The following ZNF469 variants were observed in gnomAD, a reference collection of about 807,000 sequenced individuals.
ZNF469 encodes the protein zinc finger protein 469.
In ZNF469, 1 loss-of-function variant was observed where a neutral mutation model predicts 1.0. The observed-to-expected ratio is 1.00, with a 90% CI of 0.35 to 4.73. ZNF469 has a LOEUF of 4.73. Among genes scored for constraint, ZNF469 ranks in the 30% most tolerant of loss-of-function variants. The pLI is 0.16. For missense variants in ZNF469, 6,100 were observed against 5,356.3 expected (o/e 1.14, Z -4.33); for synonymous variants, 2,703 against 2,363.4 (o/e 1.14, Z -4.17).
At chr16:88,102,138 A>G in the ZNF469 span, among the ~76,000 whole-genome samples, 2 of 138,192 alleles carry the variant, frequency 1.4e-5, no homozygotes, top group African/African-American at 2.7e-5. Flanking sequence ...CAGAATTCCC[A>G]TGTGCTGGTG....
At chr16:88,281,137 G>A in the ZNF469 span, among the ~76,000 whole-genome samples, 4 of 147,102 alleles carry the variant, frequency 2.7e-5, no homozygotes, top group Admixed American at 2.8e-4. Flanking sequence ...GGTTAATGCT[G>A]TGCCACACTG....
chr16:88,345,772 AG>A, the ZNF469 span, among the ~76,000 whole-genome samples: 1 of 152,160 alleles, frequency 6.6e-6, no homozygotes, highest in Non-Finnish European at 1.5e-5. Flanking sequence ...GACTGGAAGA[AG>A]GAGGGTTTTA....
intron 1 of ZNF469, among the ~76,000 whole-genome samples, chr16:88,395,135 A>C (rs1156320226): frequency 6.6e-6 from 1 of 152,226 alleles, no homozygotes; most frequent in Non-Finnish European, 1.5e-5. Context: ...CAGAAAGTTG[A>C]AGCCAGGAGG....
chr16:88,385,599 T>C (rs2092535176), intron 1 of ZNF469, among the ~76,000 whole-genome samples: 1 of 149,348 alleles, frequency 6.7e-6, no homozygotes, highest in African/African-American at 2.5e-5. Context: ...ATGATGATCG[T>C]GCCACCGCAT....
At chr16:88,117,279 G>A in the ZNF469 span, among the ~76,000 whole-genome samples, 1 of 152,136 alleles carries the variant, frequency 6.6e-6, no homozygotes, top group Non-Finnish European at 1.5e-5. Flanking sequence ...CTGGGGGCAT[G>A]TGAGGGCTGG....
At chr16:88,415,799 G>C (rs568719998) in intron 1 of ZNF469, among the ~76,000 whole-genome samples, 4 of 152,222 alleles carry the variant, frequency 2.6e-5, no homozygotes, top group African/African-American at 7.2e-5. Flanking sequence ...TCTTCCAGGC[G>C]TGTAGCTCCC....
the ZNF469 span, among the ~76,000 whole-genome samples, chr16:88,288,086 T>G: frequency 6.6e-6 from 1 of 152,150 alleles, no homozygotes; most frequent in Non-Finnish European, 1.5e-5. Context: ...ACCTTTTTCC[T>G]CCTGCTGCTC....
the ZNF469 span, among the ~76,000 whole-genome samples, chr16:88,134,722 C>A: frequency 6.6e-6 from 1 of 152,230 alleles, no homozygotes; most frequent in African/African-American, 2.4e-5. Context: ...TAAATCCCTG[C>A]CGTCTGGCAG....
At chr16:88,340,826 G>T in the ZNF469 span, among the ~76,000 whole-genome samples, 1 of 152,274 alleles carries the variant, frequency 6.6e-6, no homozygotes, top group South Asian at 2.1e-4. Context: ...TACAGGCAGA[G>T]GTGTCAGGCA....
At chr16:88,247,470 G>A in the ZNF469 span, among the ~76,000 whole-genome samples, 1 of 136,060 alleles carries the variant, frequency 7.3e-6, no homozygotes, top group East Asian at 1.9e-4. Flanking sequence ...ATGAATGAAT[G>A]AGTGAGTGAA....
At chr16:88,128,729 G>T in the ZNF469 span, among the ~76,000 whole-genome samples, 26 of 152,254 alleles carry the variant, frequency 1.7e-4, no homozygotes, top group African/African-American at 6.3e-4. Context: ...TCCCCAAGCT[G>T]CCTGGGCAAG....
the ZNF469 span, among the ~76,000 whole-genome samples, chr16:88,367,301 G>C: frequency 6.6e-6 from 1 of 152,212 alleles, no homozygotes; most frequent in Non-Finnish European, 1.5e-5. Context: ...ATCCTTCAAG[G>C]CAAGTATTCC....
the ZNF469 span, among the ~76,000 whole-genome samples, chr16:88,249,987 GCTC>G: frequency 6.6e-6 from 1 of 152,198 alleles, no homozygotes; most frequent in Non-Finnish European, 1.5e-5. Flanking sequence ...GTTGAAGTTG[GCTC>G]CTCAAGTGAA....
At chr16:88,186,480 G>A in the ZNF469 span, among the ~76,000 whole-genome samples, 141 of 152,288 alleles carry the variant, frequency 9.3e-4, no homozygotes, top group African/African-American at 3.3e-3. Context: ...ATCACGTGCC[G>A]GGAGCTGATC....
chr16:88,137,215 C>T, the ZNF469 span, among the ~76,000 whole-genome samples: 1 of 152,226 alleles, frequency 6.6e-6, no homozygotes. Context: ...ATGCATACAG[C>T]TATGCATGTA....
the ZNF469 span, among the ~76,000 whole-genome samples, chr16:88,349,273 C>T: frequency 1.3e-5 from 2 of 152,108 alleles, no homozygotes; most frequent in Admixed American, 6.5e-5. Context: ...AGGCTCTACA[C>T]GCACAGGTGA....
chr16:88,347,767 C>A, the ZNF469 span, among the ~76,000 whole-genome samples: 16 of 152,336 alleles, frequency 1.1e-4, 1 homozygote, highest in South Asian at 3.3e-3. Context: ...AAATTCACCC[C>A]AAAGGCGTCT....
chr16:88,422,788 A>T (rs899405453), intron 1 of ZNF469, among the ~76,000 whole-genome samples: 1 of 117,828 alleles, frequency 8.5e-6, no homozygotes, highest in Non-Finnish European at 1.8e-5. Context: ...GGTTGGATGG[A>T]TGGATGGGTG....
chr16:88,247,778 TGAGG>T, the ZNF469 span, among the ~76,000 whole-genome samples: 1 of 152,052 alleles, frequency 6.6e-6, no homozygotes, highest in African/African-American at 2.4e-5. Context: ...AGTCAGTGAA[TGAGG>T]GAGTGAGTAA....
Sources: allele counts gnomAD v4.1 joint callset (sites outside exome capture counted in the v4.1 genomes callset), GRCh38; gene constraint gnomAD v4.1.1; transcripts MANE v1.5; gene names NCBI Gene and HGNC (gene_info 2026-07-23, HGNC 2026-07-21).